Variants in RUFY4 observed in about 807,000 individuals in gnomAD.
RUFY4 encodes the protein RUN and FYVE domain containing 4.
In RUFY4, 73 loss-of-function variants were observed where a neutral mutation model predicts 69.0. The observed-to-expected ratio is 1.06, with a 90% confidence interval of 0.88 to 1.29. RUFY4 has a LOEUF of 1.29. RUFY4 is among the 50% of genes most tolerant of loss of function. RUFY4 has a pLI of 0.00. For missense variants in RUFY4, 770 were observed against 705.6 expected (o/e 1.09, Z -1.03); for synonymous variants, 287 against 271.8 (o/e 1.06, Z -0.55).
chr2:218,079,849 C>T (rs768989286), intron 8 of RUFY4, among the ~76,000 whole-genome samples: 7 of 152,116 alleles, frequency 4.6e-5, no homozygotes, highest in Non-Finnish European at 8.8e-5. Flanking sequence ...ACAAACTTGG[C>T]CCAGCCTGCT....
chr2:218,057,730 T>A (rs1311597680), intron 2 of RUFY4, among the ~76,000 whole-genome samples: 1 of 152,256 alleles, frequency 6.6e-6, no homozygotes. Flanking sequence ...TCATCTGTTT[T>A]CAGTCTCTGC....
chr2:218,090,153 C>T, exon 11 of RUFY4: 1 of 659,198 alleles, frequency 1.5e-6, no homozygotes, highest in South Asian at 1.5e-5. Context: ...CTTGTTTGTC[C>T]AGTCCTCATT....
chr2:218,037,264 G>A (rs1374627670), intron 2 of RUFY4, among the ~76,000 whole-genome samples: 3 of 151,640 alleles, frequency 2.0e-5, no homozygotes, highest in South Asian at 2.1e-4. Flanking sequence ...AGGTTGCAGT[G>A]AGTGGAGATA....
chr2:218,066,297 C>T (rs1689329483), upstream of RUFY4, among the ~76,000 whole-genome samples: 1 of 150,632 alleles, frequency 6.6e-6, no homozygotes, highest in African/African-American at 2.5e-5. Context: ...GATTCTCCTG[C>T]CTCAGCCTCC....
chr2:218,075,357 G>A, exon 7 of RUFY4: 1 of 1,612,630 alleles, frequency 6.2e-7, no homozygotes, highest in Non-Finnish European at 8.5e-7. Flanking sequence ...GATCTTCCTG[G>A]GGAACTCAAC....
chr2:218,075,676 C>G, exon 7 of RUFY4: 1 of 1,488,324 alleles, frequency 6.7e-7, no homozygotes, highest in Non-Finnish European at 8.9e-7. Context: ...CAAGTGCAAA[C>G]AGAAGTGACC....
chr2:218,072,671 C>T (rs1328088024), intron 3 of RUFY4, 108 bp from the exon 6 acceptor site: 3 of 1,293,706 alleles, frequency 2.3e-6, no homozygotes, highest in Middle Eastern at 2.5e-4. Context: ...GCCTCAGGTC[C>T]CCCTGCACCC....
At chr2:218,072,975 C>T (rs1169009896) in intron 4 of RUFY4, 90 bp downstream of exon 6, 1 of 1,119,090 alleles carries the variant, frequency 8.9e-7, no homozygotes, top group African/African-American at 1.6e-5. Flanking sequence ...CCACAGATGG[C>T]TTTCTATCAA....
exon 7 of RUFY4, chr2:218,075,198 C>T (rs1201707105): frequency 1.3e-6 from 2 of 1,558,578 alleles, no homozygotes; most frequent in Admixed American, 3.9e-5. Context: ...GCTGGCAGGG[C>T]TTCCCAGGTC....
chr2:218,081,655 C>T (rs1343050521), intron 8 of RUFY4, among the ~76,000 whole-genome samples: 1 of 152,178 alleles, frequency 6.6e-6, no homozygotes, highest in African/African-American at 2.4e-5. Context: ...CCCAGGATCA[C>T]AGGGCAAGTA....
chr2:218,090,495 A>T (rs1434237153), exon 11 of RUFY4: 1 of 171,186 alleles, frequency 5.8e-6, no homozygotes, highest in Non-Finnish European at 1.3e-5. Context: ...GTCTGGAGTC[A>T]GCTTCAGGGA....
At chr2:218,060,617 G>C (rs1689160583) in intron 3 of RUFY4, 2 of 1,349,664 alleles carry the variant, frequency 1.5e-6, no homozygotes, top group Non-Finnish European at 1.1e-6. Context: ...AGCAGGACCA[G>C]GTTGTAGGGC....
At chr2:218,066,061 C>A (rs1689318340), upstream of RUFY4, among the ~76,000 whole-genome samples, 1 of 151,988 alleles carries the variant, frequency 6.6e-6, no homozygotes, top group Admixed American at 6.6e-5. Flanking sequence ...GGGCCAGGAC[C>A]CCATAGAAGA....
In RUFY4 at chr2:218,083,972, C is replaced by T. The variant is rs1203566961; in HGVS notation, c.1502+716C>T. On this transcript the variant is annotated intron_variant, in intron 9 of 10. Coordinates refer to ENST00000344321, the Ensembl canonical transcript of RUFY4. The stretch of plus-strand genomic sequence containing the variant: ...CACGTGTCCTACACCTGCCTGCCCA[C>T]GGGACTTCCTCAGACCCTGGGCCTG... 3.9e-5 allele frequency among the ~76,000 whole-genome samples: 6 copies of T among 152,166 alleles called. No individual in the cohort carries two copies. The East Asian group carries it at 7.7e-4, about 20-fold the overall frequency.
In RUFY4 at chr2:218,073,190, G is replaced by A; in HGVS notation, c.387-53G>A. ...GCTGGGGTGGGGGTGGTTGGGGCAGGGGGAAACAGCACCAGGGTCAAAGGC... is the reference window on the plus strand; with the variant it reads ...GCTGGGGTGGGGGTGGTTGGGGCAGAGGGAAACAGCACCAGGGTCAAAGGC... On this transcript the variant is annotated intron_variant, in intron 4 of 10. Coordinates refer to ENST00000344321, the Ensembl canonical transcript of RUFY4. 12 of 1,532,882 alleles carry A rather than the reference G, an allele frequency of 7.8e-6. No individual in the cohort carries two copies. The South Asian group carries it at 1.4e-4, about 18-fold the overall frequency. The allele number at this position is 1,532,882 out of a possible 1,614,324, so 95.0% of individuals were successfully genotyped here.
chr2:218,055,254 G>A (rs373055715), intron 2 of RUFY4, among the ~76,000 whole-genome samples: 27 of 152,232 alleles, frequency 1.8e-4, no homozygotes, highest in Middle Eastern at 3.4e-3. Context: ...AATTAGCCAG[G>A]CGTCATGGCA....
At chr2:218,066,596 C>T (rs936919982), upstream of RUFY4, among the ~76,000 whole-genome samples, 1 of 152,198 alleles carries the variant, frequency 6.6e-6, no homozygotes, top group African/African-American at 2.4e-5. Flanking sequence ...TATGTGTTAA[C>T]AGAAGAGATT....
upstream of RUFY4, chr2:218,070,323 G>A (rs1689454052): frequency 2.1e-6 from 1 of 484,384 alleles, no homozygotes; most frequent in Admixed American, 3.3e-5. Context: ...AGGATTATGT[G>A]AGGATTGAAT....
Position 218,046,046 on chromosome 2 carries a change from C to A in RUFY4, c.-1158+10652C>A, listed in dbSNP as rs938813674. On this transcript the variant is annotated intron_variant and NMD_transcript_variant, in intron 2 of 13. Transcript: ENST00000457754. ...GTTCTAGATCTCCTGACCTCGTGATCCGCCCGCCTCGGCCTCCCAAAGTGC... is the reference window on the plus strand; with the variant it reads ...GTTCTAGATCTCCTGACCTCGTGATACGCCCGCCTCGGCCTCCCAAAGTGC... Among the ~76,000 whole-genome samples, 7 of 152,170 alleles carry A rather than the reference C, an allele frequency of 4.6e-5. No homozygotes were observed. In the East Asian group the frequency reaches 1.4e-3, roughly 30 times the overall value.
Sources: gnomAD v4.1 joint callset for allele counts (sites outside exome capture counted in the v4.1 genomes callset) on GRCh38, gnomAD v4.1.1 for gene constraint, MANE v1.5 for transcripts, NCBI Gene and HGNC (gene_info 2026-07-23, HGNC 2026-07-21) for gene names.